UCP3: variants seen among roughly 807,000 people sequenced by gnomAD.
UCP3 encodes putative mitochondrial transporter UCP3.
A neutral mutation model predicts 28.1 loss-of-function variants in UCP3; 24 were observed. That is an observed-to-expected ratio of 0.85 (90% CI 0.62 to 1.20). UCP3 has a LOEUF of 1.20. UCP3 is among the 50% of genes most tolerant of loss of function. UCP3 has a pLI of 0.00. For synonymous variants in UCP3, 184 were observed against 171.2 expected, an observed-to-expected ratio of 1.07 and a Z score of -0.59; for missense variants, 397 against 422.2, an observed-to-expected ratio of 0.94 and a Z score of 0.52.
intron 6 of UCP3, chr11:74,003,014 C>T (rs1447648687): frequency 1.8e-5 from 16 of 897,728 alleles, no homozygotes; most frequent in Non-Finnish European, 2.0e-5. Flanking sequence ...GGATAAGTTA[C>T]TTAACTTTTC....
At chr11:74,007,817 G>A (rs904096105) in intron 1 of UCP3, among the ~76,000 whole-genome samples, 7 of 152,138 alleles carry the variant, frequency 4.6e-5, no homozygotes, top group Non-Finnish European at 8.8e-5. Context: ...GTGGGCACAG[G>A]TAGGAGGTGC....
intron 6 of UCP3, chr11:74,003,483 G>C (rs1243462532): frequency 9.8e-7 from 1 of 1,017,714 alleles, no homozygotes; most frequent in East Asian, 9.5e-5. Flanking sequence ...AAAACGTGGA[G>C]CGTGTGGAGA....
chr11:74,003,238 T>C (rs1591234283), intron 6 of UCP3, among the ~76,000 whole-genome samples: 1 of 152,222 alleles, frequency 6.6e-6, no homozygotes, highest in South Asian at 2.1e-4. Flanking sequence ...GTCAGGAACT[T>C]GCTCTTTGCA....
intron 6 of UCP3, chr11:74,002,129 T>G: frequency 6.4e-6 from 1 of 155,424 alleles, no homozygotes; most frequent in Admixed American, 6.4e-5. Context: ...CCCCTGCCCC[T>G]CTCTCAGCCT....
intron 6 of UCP3, chr11:74,003,589 G>C (rs1951636067): frequency 7.9e-7 from 1 of 1,264,742 alleles, no homozygotes; most frequent in African/African-American, 1.5e-5. Flanking sequence ...TCTGGAGACA[G>C]GCAGTACTTT....
chr11:74,003,559 T>G (rs1591234467), intron 6 of UCP3: 1 of 1,177,442 alleles, frequency 8.5e-7, no homozygotes, highest in Non-Finnish European at 1.1e-6. Context: ...GTCCAGGAGG[T>G]CTCAGGATTG....
Position 74,007,138 on chromosome 11 carries a change from C to A in UCP3, c.-95-1G>T. On this transcript the variant is annotated splice_acceptor_variant, in intron 1 of 6. Transcript: ENST00000314032. LOFTEE classifies it low-confidence loss of function (5UTR_SPLICE). ...CCTGGGCTTCAGTGCAGCGGTGGGG[C>A]TGCAGGAGACAGGCCAGAGAAGGCT... 6.6e-7 allele frequency: 1 copy of A among 1,514,910 alleles called. No homozygotes were observed. Among genetic ancestry groups the A allele is most frequent in the Non-Finnish European group, 8.9e-7 (1 of 1,117,358 alleles). 93.8% of individuals were successfully genotyped at this position (1,514,910 alleles called of 1,614,324 possible).
At chr11:74,003,749 G>T in intron 6 of UCP3, 78 bp downstream of exon 6, 2 of 1,513,644 alleles carry the variant, frequency 1.3e-6, no homozygotes, top group South Asian at 2.7e-5. Context: ...ATCCCAGGTT[G>T]ACCCACGGTA....
chr11:74,007,437 CT>C (rs928421426), intron 1 of UCP3: 4,368 of 175,590 alleles, frequency 0.025, no homozygotes, highest in South Asian at 0.066. Flanking sequence ...AAACTGCCTC[CT>C]TTTTTTTTTT....
intron 1 of UCP3, 65 bp from the exon 2 acceptor site, chr11:74,007,202 CT>C: frequency 1.1e-6 from 1 of 937,744 alleles, no homozygotes; most frequent in Non-Finnish European, 1.6e-6. Flanking sequence ...GGAACTCTTC[CT>C]TACCCAGGAG....
chr11:74,001,237 A>G lies in UCP3; in HGVS notation c.*175T>C. ...AACAAAGGTGTTCTTGAGGCATGGCAGTGAAGACCAGAATCCCTCCTCCTC... is the reference window on the plus strand; with the variant it reads ...AACAAAGGTGTTCTTGAGGCATGGCGGTGAAGACCAGAATCCCTCCTCCTC... On this transcript the variant is annotated 3_prime_UTR_variant, in exon 7 of 7. Transcript: ENST00000314032. 1.6e-6 allele frequency: 1 copy of G among 628,794 alleles called. No homozygotes were observed. Among genetic ancestry groups the G allele is most frequent in the African/African-American group, 1.8e-5 (1 of 54,562 alleles). The allele number at this position is 628,794 out of a possible 1,614,324, so 39.0% of individuals were successfully genotyped here. A position where few individuals can be genotyped will look rare whatever the true frequency, so the allele number is the denominator to read the frequency against.
rs775725762 is a variant in UCP3, at chr11:74,005,917, G to A, written c.354C>T (p.Thr118=). 1 of 1,614,166 alleles carries A rather than the reference G, an allele frequency of 6.2e-7. No homozygotes were observed. The highest frequency in any genetic ancestry group is 8.5e-7 in the Non-Finnish European group (1 of 1,180,028). Residue 118 remains threonine (T), a synonymous_variant, in exon 4 of 7, where the codon ACC becomes ACT. Transcript: ENST00000314032. ...PKGADNSSLT[T]RILAGCTTGA... is the part of the protein sequence containing the mutation. ...CTGTGGTGCAGCCGGCCAAAATCCG[G>A]GTAGTGAGGCTGGAGTCTGGGAGGG... is the stretch of plus-strand genomic sequence containing the variant.
intron 6 of UCP3, 68 bp from the exon 7 acceptor site, chr11:74,001,594 C>G: frequency 7.1e-7 from 1 of 1,399,946 alleles, no homozygotes; most frequent in Non-Finnish European, 1.0e-6. Context: ...GTGTGCTCTC[C>G]CGGGACACAG....
In UCP3 at chr11:74,001,463, C is replaced by G; in HGVS notation, c.888G>C (p.Gln296His). The change falls in exon 7 of 7, where the codon CAG becomes CAC. Residue 296 changes from glutamine to histidine, a missense_variant. By Grantham distance (24) the Gln-to-His change is conservative. Transcript: ENST00000314032. ...GGACTTTCATCAGGGCCCGTTTCAG[C>G]TGCTCATAGGTTACGAACATCACCA... ...WNVVMFVTYEQLKRALMKVQM... is the reference protein window; with the variant it reads ...WNVVMFVTYEHLKRALMKVQM... The G allele has an allele frequency of 6.2e-7, 1 of 1,614,194 alleles. No homozygotes were observed. Among genetic ancestry groups the G allele is most frequent in the South Asian group, 1.1e-5 (1 of 91,084 alleles).
chr11:74,006,739 G>A (rs1445096349), intron 2 of UCP3, among the ~76,000 whole-genome samples, 178 bp downstream of exon 2: 2 of 152,200 alleles, frequency 1.3e-5, no homozygotes, highest in African/African-American at 4.8e-5. Context: ...AAAGAATTTA[G>A]ATTTTTTTGT....
chr11:74,007,294 A>G, intron 1 of UCP3, 157 bp from the exon 2 acceptor site: 1 of 514,182 alleles, frequency 1.9e-6, no homozygotes, highest in Non-Finnish European at 3.5e-6. Context: ...TCACGTTCCT[A>G]TCCCTTGAAT....
At position 74,003,935 on chromosome 11, in the gene UCP3, T is replaced by C. The variant is rs1301503357; in HGVS notation, c.716A>G (p.Asp239Gly). Residue 239 changes from aspartate to glycine, a missense_variant, in exon 6 of 7, where the codon GAC becomes GGC. Asp to Gly is a moderately conservative substitution (Grantham distance 94). Transcript: ENST00000314032. ...FCATVVASPV[D>G]VVKTRYMNSP... ...GTTCATATACCGGGTCTTCACCACG[T>C]CCACCGGGGAGGCCACCACTGTGGC... 3.7e-6 allele frequency: 6 copies of C among 1,614,098 alleles called. No homozygotes were observed. The highest frequency in any genetic ancestry group is 5.1e-6 in the Non-Finnish European group (6 of 1,180,020).
rs370339534 is a variant in UCP3, at chr11:74,006,254, G to A, written c.252C>T (p.Gly84=). 16 of 1,613,770 alleles carry A rather than the reference G, an allele frequency of 9.9e-6. No individual in the cohort carries two copies. Among genetic ancestry groups the A allele is most frequent in the Middle Eastern group, 3.3e-4 (2 of 6,084 alleles). ...PCSPYNGLVA[G]LQRQMSFASI... ...AGGCGAAGCTCATCTGGCGCTGCAG[G>A]CCGGCCACCAGCCCATTGTAGGGGC... is the stretch of plus-strand genomic sequence containing the variant. Residue 84 remains glycine (G), a synonymous_variant, in exon 3 of 7, where the codon GGC becomes GGT. Transcript: ENST00000314032.
intron 6 of UCP3, chr11:74,003,624 TC>T: frequency 7.3e-7 from 1 of 1,375,826 alleles, no homozygotes; most frequent in Non-Finnish European, 9.4e-7. Flanking sequence ...GTGTTTGTTC[TC>T]AGTCAGGCTT....
Sources: gnomAD v4.1 joint callset for allele counts (sites outside exome capture counted in the v4.1 genomes callset) on GRCh38, gnomAD v4.1.1 for gene constraint, MANE v1.5 for transcripts, NCBI Gene and HGNC (gene_info 2026-07-23, HGNC 2026-07-21) for gene names.